Variants in FCRL4 observed in about 807,000 individuals in gnomAD.
FCRL4 encodes the protein Fc receptor-like protein 4.
Under a neutral mutation model 64.1 loss-of-function variants are expected in FCRL4, and 43 were observed. The observed-to-expected ratio is 0.67, with a 90% CI of 0.53 to 0.87. The LOEUF (loss-of-function observed/expected upper bound fraction) is 0.87. Among genes scored for constraint, FCRL4 ranks in the 40% least tolerant of loss-of-function variants. The pLI is 0.00. For synonymous variants in FCRL4, 253 were observed against 239.8 expected, an observed-to-expected ratio of 1.05 and a Z score of -0.51; for missense variants, 656 against 613.5, an observed-to-expected ratio of 1.07 and a Z score of -0.73.
chr1:157,595,357 T>C (rs1335630896), intron 2 of FCRL4, among the ~76,000 whole-genome samples: 1 of 152,246 alleles, frequency 6.6e-6, no homozygotes, highest in Non-Finnish European at 1.5e-5. Flanking sequence ...CCATTGGGAC[T>C]TAGGCAATAG....
In FCRL4 at chr1:157,586,281, C is replaced by G; in HGVS notation, c.1022G>C (p.Arg341Thr). 1 of 1,614,100 alleles carries G rather than the reference C, an allele frequency of 6.2e-7. No individual in the cohort carries two copies. The highest frequency in any genetic ancestry group is 8.5e-7 in the Non-Finnish European group (1 of 1,180,004). ...SLGRKTQRSL[R>T]AELELPAIRQ... ...GATGGCAGGGAGCTCCAGCTCTGCT[C>G]TCAGGGAACGCTGAGTTTTCCTCCC... is the stretch of plus-strand genomic sequence containing the variant. The change falls in exon 6 of 12, where the codon AGA becomes ACA. Residue 341 changes from arginine to threonine, a missense_variant. Arg to Thr is a moderately conservative substitution (Grantham distance 71). Transcript: ENST00000271532.
At chr1:157,577,729 A>G (rs1558152422) in intron 10 of FCRL4, among the ~76,000 whole-genome samples, 1 of 152,356 alleles carries the variant, frequency 6.6e-6, no homozygotes, top group Admixed American at 6.5e-5. Flanking sequence ...AGTTCTCCTC[A>G]GGTCTTAGGC....
intron 6 of FCRL4, 77 bp from the exon 7 acceptor site, chr1:157,581,721 G>T (rs1652566578): frequency 4.4e-6 from 5 of 1,137,412 alleles, no homozygotes; most frequent in Non-Finnish European, 6.5e-6. Context: ...GCTTGGTTGG[G>T]TAACGAGCCC....
chr1:157,584,535 T>TAA (rs879425113), intron 6 of FCRL4, among the ~76,000 whole-genome samples: 4 of 141,286 alleles, frequency 2.8e-5, no homozygotes, highest in African/African-American at 1.0e-4. Context: ...GACCCCATCT[T>TAA]AAAAAAAAAA....
intron 2 of FCRL4, among the ~76,000 whole-genome samples, chr1:157,590,288 C>A (rs888890618): frequency 6.6e-6 from 1 of 152,082 alleles, no homozygotes; most frequent in Non-Finnish European, 1.5e-5. Flanking sequence ...GAGTTTGGAA[C>A]ATACGCATAA....
chr1:157,574,873 A>G lies in FCRL4; in HGVS notation c.*651T>C, dbSNP rs568778227. 10 of 210,902 alleles carry G rather than the reference A, an allele frequency of 4.7e-5. No homozygotes were observed. Among genetic ancestry groups the G allele is most frequent in the African/African-American group, 6.8e-5 (3 of 44,254 alleles). 13.1% of individuals were successfully genotyped at this position (210,902 alleles called of 1,614,324 possible). ...AATCTTTGTCACTAATGACATTAAC[A>G]TAATTATCATTTGCTTTTGGAAGCG... On this transcript the variant is annotated 3_prime_UTR_variant, in exon 12 of 12. Transcript: ENST00000271532.
rs768413114 is a variant in FCRL4, at chr1:157,589,279, G to C, written c.232C>G (p.Arg78Gly). 14 of 1,614,042 alleles carry C rather than the reference G, an allele frequency of 8.7e-6. No individual in the cohort carries two copies. The South Asian group carries it at 1.1e-4, about 13-fold the overall frequency. Residue 78 changes from arginine to glycine, a missense_variant, in exon 3 of 12, where the codon CGG (arginine) becomes GGG (glycine). Transcript: ENST00000271532. ...TGGCATCTGTACAGTCCAGATTCCC[G>C]AACCTCGAGGGTGTTTCCTGGGGTC... The part of the protein sequence containing the change: ...TLTPGNTLEV[R>G]ESGLYRCQAR...
In FCRL4 at chr1:157,575,059, G is replaced by GTAGC; in HGVS notation, c.*464_*465insGCTA. On this transcript the variant is annotated 3_prime_UTR_variant, in exon 12 of 12. Coordinates refer to ENST00000271532, the MANE Select transcript of FCRL4 (RefSeq NM_031282.3). ...TTTTCATTGTTTGCACAGTGCCTGT[G>GTAGC]CAGCCACTCACAGTTAAACAAACTG... 3.8e-6 allele frequency: 1 copy of GTAGC among 259,832 alleles called. No homozygotes were observed. Among genetic ancestry groups the GTAGC allele is most frequent in the Non-Finnish European group, 7.4e-6 (1 of 134,562 alleles). 16.1% of individuals were successfully genotyped at this position (259,832 alleles called of 1,614,324 possible).
In FCRL4 at chr1:157,574,533, C is replaced by G. The variant is rs1383726309; in HGVS notation, c.*991G>C. ...TTTGTGGCTTCCTATTTCTTTTATT[C>G]CTTCTTCATTTATTGCAAGAATTAT... is the stretch of plus-strand genomic sequence containing the variant. On this transcript the variant is annotated 3_prime_UTR_variant, in exon 12 of 12. Transcript: ENST00000271532. The G allele has an allele frequency of 4.8e-6, 1 of 207,094 alleles. No homozygotes were observed. Among genetic ancestry groups the G allele is most frequent in the East Asian group, 7.4e-5 (1 of 13,454 alleles). 12.8% of individuals were successfully genotyped at this position (207,094 alleles called of 1,614,324 possible).
intron 6 of FCRL4, among the ~76,000 whole-genome samples, chr1:157,582,134 C>T (rs968929735): frequency 2.0e-5 from 3 of 152,306 alleles, no homozygotes; most frequent in Non-Finnish European, 4.4e-5. Flanking sequence ...AAGCCTGTGC[C>T]TGTGTGCTCT....
intron 2 of FCRL4, among the ~76,000 whole-genome samples, chr1:157,591,166 G>A (rs1374147079): frequency 6.6e-6 from 1 of 152,172 alleles, no homozygotes; most frequent in Non-Finnish European, 1.5e-5. Flanking sequence ...TAGATATTTT[G>A]TTGTGATAGG....
Position 157,578,821 on chromosome 1 carries a change from A to G in FCRL4, c.1309T>C (p.Ser437Pro), listed in dbSNP as rs944737280. The G allele has an allele frequency of 1.9e-6, 3 of 1,613,844 alleles. No individual in the cohort carries two copies. Among genetic ancestry groups the G allele is most frequent in the Non-Finnish European group, 1.7e-6 (2 of 1,179,878 alleles). Reference protein sequence around the residue: ...LPPAPGPGESSHSICPAQVEL... With the variant: ...LPPAPGPGESPHSICPAQVEL... ...ACCTGGGCAGGGCAGATGGAATGGG[A>G]GGACTCTCCTGGGCCTGGAGCGGGA... Residue 437 changes from serine (S) to proline (P), a missense_variant, in exon 9 of 12, where the codon TCC (serine) becomes CCC (proline). Physicochemically the swap from Ser to Pro is moderately conservative, Grantham distance 74. Coordinates refer to ENST00000271532, the MANE Select transcript of FCRL4 (RefSeq NM_031282.3).
At chr1:157,583,960 C>T (rs1324762218) in intron 6 of FCRL4, among the ~76,000 whole-genome samples, 1 of 152,182 alleles carries the variant, frequency 6.6e-6, no homozygotes, top group African/African-American at 2.4e-5. Flanking sequence ...GATGTTGACA[C>T]CTGCTTTCCA....
rs1185480012 is a variant in FCRL4, at chr1:157,574,055, ACT to A, written c.*1467_*1468del. The A allele has an allele frequency of 7.6e-5, 16 of 210,634 alleles. No homozygotes were observed. The East Asian group carries it at 1.1e-3, about 15-fold the overall frequency. The allele number at this position is 210,634 out of a possible 1,614,324, so 13.0% of individuals were successfully genotyped here. ...GGTGATACATGTGACAAATTCATACACTCATATAATTTGTAAAGATCAAATCA... is the reference window on the plus strand; with the variant it reads ...GGTGATACATGTGACAAATTCATACACATATAATTTGTAAAGATCAAATCA... On this transcript the variant is annotated 3_prime_UTR_variant, in exon 12 of 12. Coordinates refer to ENST00000271532, the MANE Select transcript of FCRL4 (RefSeq NM_031282.3).
intron 2 of FCRL4, among the ~76,000 whole-genome samples, chr1:157,595,381 G>A (rs1652938788): frequency 6.6e-6 from 1 of 152,200 alleles, no homozygotes; most frequent in African/African-American, 2.4e-5. Context: ...TTCTACTGGA[G>A]GGAAGGAGAG....
At chr1:157,583,758 A>G (rs965722990) in intron 6 of FCRL4, among the ~76,000 whole-genome samples, 1 of 152,232 alleles carries the variant, frequency 6.6e-6, no homozygotes, top group Non-Finnish European at 1.5e-5. Context: ...TGCCTGAGAC[A>G]GCCCACCTTA....
chr1:157,595,874 C>T (rs1052360990), intron 2 of FCRL4, among the ~76,000 whole-genome samples: 1 of 152,180 alleles, frequency 6.6e-6, no homozygotes, highest in East Asian at 1.9e-4. Context: ...ATAATTTGAG[C>T]TATTAACAGA....
At chr1:157,589,103 G>A in intron 3 of FCRL4, 101 bp downstream of exon 3, 3 of 1,307,180 alleles carry the variant, frequency 2.3e-6, no homozygotes, top group Non-Finnish European at 3.2e-6. Context: ...TGGGATCGAG[G>A]GTTAGAGAGG....
rs1446561230 is a variant in FCRL4 at position 157,573,780 on chromosome 1, T to C, written c.*1744A>G. 5.4e-6 allele frequency: 1 copy of C among 184,400 alleles called. No individual in the cohort carries two copies. Among genetic ancestry groups the C allele is most frequent in the East Asian group, 8.8e-5 (1 of 11,402 alleles). 11.4% of individuals were successfully genotyped at this position (184,400 alleles called of 1,614,324 possible). ...AATAAGCTTTAATCTAATACTTCAG[T>C]ATAAGCGCTGAAAGTGAATATCCTT... On this transcript the variant is annotated 3_prime_UTR_variant, in exon 12 of 12. Transcript: ENST00000271532.
Sources: allele counts gnomAD v4.1 joint callset (sites outside exome capture counted in the v4.1 genomes callset), GRCh38; gene constraint gnomAD v4.1.1; transcripts MANE v1.5; gene names NCBI Gene and HGNC (gene_info 2026-07-23, HGNC 2026-07-21).